Variants in ABCA7 observed in about 807,000 individuals in gnomAD.
ABCA7 encodes the protein ATP binding cassette subfamily A member 7, also known as phospholipid-transporting ATPase ABCA7.
ABCA7 carries 261 observed loss-of-function variants against 227.6 expected under a neutral mutation model. That is an observed-to-expected ratio of 1.15 (90% CI 1.04 to 1.27). ABCA7 has a LOEUF of 1.27. ABCA7 is among the 50% of genes most tolerant of loss of function. ABCA7 has a pLI of 0.00. For synonymous variants in ABCA7, 1,488 were observed against 1,279.7 expected (o/e 1.16, Z -3.47); for missense variants, 3,331 against 2,924.5 (o/e 1.14, Z -3.21).
At position 1,053,382 on chromosome 19, in the gene ABCA7, G is replaced by A. The variant is rs1164185949; in HGVS notation, c.3274G>A (p.Val1092Met). Residue 1092 changes from valine to methionine, a missense_variant, in exon 24 of 47, where the codon GTG (valine) becomes ATG (methionine). Val to Met is a conservative substitution (Grantham distance 21). Coordinates refer to ENST00000263094, the MANE Select transcript of ABCA7 (RefSeq NM_019112.4). The stretch of plus-strand genomic sequence containing the variant: ...GCACTGGGTGCCCGGGGCACGGCTG[G>A]TGGAGGAGCTGCCACACGAGCTGGT... ...VQHWVPGARL[V>M]EELPHELVLV... 14 of 1,608,300 alleles carry A rather than the reference G, an allele frequency of 8.7e-6. No homozygotes were observed. Among genetic ancestry groups the A allele is most frequent in the Non-Finnish European group, 1.2e-5 (14 of 1,179,150 alleles).
At chr19:1,048,189 T>G (rs1253081342) in intron 16 of ABCA7, among the ~76,000 whole-genome samples, 1 of 74,832 alleles carries the variant, frequency 1.3e-5, no homozygotes, top group East Asian at 6.3e-4. Context: ...CCTCCATCTC[T>G]TTAAAAAAAA....
chr19:1,056,619 G>A lies in ABCA7; in HGVS notation c.4586+120G>A, dbSNP rs1373135979. 1.2e-5 allele frequency: 16 copies of A among 1,311,328 alleles called. No homozygotes were observed. Among genetic ancestry groups the A allele is most frequent in the Non-Finnish European group, 1.6e-5 (15 of 964,256 alleles). 81.2% of individuals were successfully genotyped at this position (1,311,328 alleles called of 1,614,324 possible). A position where few individuals can be genotyped will look rare whatever the true frequency, so the allele number is the denominator to read the frequency against. The stretch of plus-strand genomic sequence containing the variant: ...GACACACTCTTGCTTTATAAATGGG[G>A]GATAGAAACTGTTCCTCTGCTCCCT... On this transcript the variant is annotated intron_variant, in intron 33 of 46. Transcript: ENST00000263094. The surrounding 1 kb of genome is among the most constrained non-coding windows in gnomAD (Gnocchi z 4.3).
rs535016127 is a variant in ABCA7, at chr19:1,049,341, G to A, written c.2456G>A (p.Ser819Asn). ...VRSLEKRFPGSPQPALRGLSL... is the reference protein window; with the variant it reads ...VRSLEKRFPGNPQPALRGLSL... ...AGCCTGGAGAAGCGCTTTCCTGGAAGCCCGCAGCCAGCCCTGCGGGGGCTC... is the reference window on the plus strand; with the variant it reads ...AGCCTGGAGAAGCGCTTTCCTGGAAACCCGCAGCCAGCCCTGCGGGGGCTC... Residue 819 changes from serine (S) to asparagine (N), a missense_variant, in exon 18 of 47, where the codon AGC becomes AAC. Transcript: ENST00000263094. 3.7e-6 allele frequency: 6 copies of A among 1,611,388 alleles called. No individual in the cohort carries two copies. In the African/African-American group the frequency reaches 8.0e-5, roughly 22 times the overall value.
intron 18 of ABCA7, among the ~76,000 whole-genome samples, chr19:1,050,148 CG>C (rs988477006): frequency 2.0e-5 from 3 of 150,682 alleles, no homozygotes; most frequent in Non-Finnish European, 3.0e-5. Context: ...TGGTGGCTCA[CG>C]CCTGTAATCC....
chr19:1,055,332 C>T lies in ABCA7; in HGVS notation c.4186C>T (p.Pro1396Ser). The T allele has an allele frequency of 6.3e-7, 1 of 1,593,142 alleles. No individual in the cohort carries two copies. Among genetic ancestry groups the T allele is most frequent in the Non-Finnish European group, 8.5e-7 (1 of 1,172,080 alleles). Residue 1396 changes from proline to serine, a missense_variant, in exon 30 of 47, where the codon CCG becomes TCG. By Grantham distance (74) the Pro-to-Ser change is moderately conservative. Transcript: ENST00000263094. ...NLSDFLVKTY[P>S]RLVRQGLKTK... The stretch of plus-strand genomic sequence containing the variant: ...GTCTGACTTCCTGGTCAAGACCTAC[C>T]CGCGCCTGGTGCGCCAGGGGTGAGC...
In ABCA7 at chr19:1,041,261, G is replaced by A. The variant is rs1370833654; in HGVS notation, c.-101G>A. 1 of 1,174,670 alleles carries A rather than the reference G, an allele frequency of 8.5e-7. No homozygotes were observed. The highest frequency in any genetic ancestry group is 1.3e-6 in the Non-Finnish European group (1 of 787,174). 72.8% of individuals were successfully genotyped at this position (1,174,670 alleles called of 1,614,324 possible). A position where few individuals can be genotyped will look rare whatever the true frequency, so the allele number is the denominator to read the frequency against. On this transcript the variant is annotated 5_prime_UTR_variant, in exon 2 of 47. It removes an upstream start codon present in the reference 5' UTR. Transcript: ENST00000263094. Reference sequence around the variant, plus strand: ...ACCCTGCGCTGTGGGATAAAGGAATGAGGTTCAGAAAGGGGCAGGGAGTTG... The same window carrying A: ...ACCCTGCGCTGTGGGATAAAGGAATAAGGTTCAGAAAGGGGCAGGGAGTTG...
At chr19:1,061,964 C>T (rs1372441525) in intron 41 of ABCA7, 76 bp downstream of exon 41, 5 of 1,466,282 alleles carry the variant, frequency 3.4e-6, no homozygotes, top group Non-Finnish European at 4.6e-6. Context: ...CCCTCCACCT[C>T]CAGTGAATGG....
intron 45 of ABCA7, chr19:1,064,559 C>T: frequency 2.0e-6 from 1 of 489,856 alleles, no homozygotes; most frequent in Non-Finnish European, 3.6e-6. Context: ...TAGGGGAGGG[C>T]CTGGTTAGTG....
chr19:1,044,497 C>T, intron 10 of ABCA7, 80 bp from the exon 11 acceptor site: 2 of 1,510,570 alleles, frequency 1.3e-6, no homozygotes, highest in African/African-American at 1.4e-5. Flanking sequence ...ATCCACCCGC[C>T]TCGCCTCCCA....
chr19:1,057,901 TA>T lies in ABCA7; in HGVS notation c.4881-13del. 6.2e-7 allele frequency: 1 copy of T among 1,613,954 alleles called. No individual in the cohort carries two copies. The highest frequency in any genetic ancestry group is 8.5e-7 in the Non-Finnish European group (1 of 1,179,974). On this transcript the variant is annotated splice_polypyrimidine_tract_variant and intron_variant, in intron 35 of 46. Coordinates refer to ENST00000263094, the MANE Select transcript of ABCA7 (RefSeq NM_019112.4). ...TCTGAGTGGTTACTCCAGTGACTCCTATTGTCCCTTCAGCTGGTCGATCACA... is the reference window on the plus strand; with the variant it reads ...TCTGAGTGGTTACTCCAGTGACTCCTTTGTCCCTTCAGCTGGTCGATCACA...
rs369197019 is a variant in ABCA7, at chr19:1,042,288, C to T, written c.416-27C>T. 4 of 1,576,496 alleles carry T rather than the reference C, an allele frequency of 2.5e-6. No homozygotes were observed. In the African/African-American group the frequency reaches 4.0e-5, roughly 16 times the overall value. On this transcript the variant is annotated intron_variant, in intron 5 of 46. Coordinates refer to ENST00000263094, the MANE Select transcript of ABCA7 (RefSeq NM_019112.4). ...GCCTCAGACCAACGTCCCCCCAGCC[C>T]CATGCTCCCGTGCGCTCCTCCCCCA...
At position 1,055,206 on chromosome 19, in the gene ABCA7, C is replaced by A. The variant is rs776084636; in HGVS notation, c.4060C>A (p.Arg1354Ser). The A allele has an allele frequency of 7.5e-6, 12 of 1,610,214 alleles. No homozygotes were observed. Among genetic ancestry groups the A allele is most frequent in the Admixed American group, 5.0e-5 (3 of 59,720 alleles). The change falls in exon 30 of 47, where the codon CGC (arginine) becomes AGC (serine). Residue 1354 changes from arginine to serine, a missense_variant. Arg to Ser is a moderately radical substitution (Grantham distance 110, BLOSUM62 -1). Transcript: ENST00000263094. Reference protein sequence around the residue: ...ACQCSRPGARRLLPDCPAAAG... With the variant: ...ACQCSRPGARSLLPDCPAAAG... Reference sequence around the variant, plus strand: ...CCAGTGTAGCCGGCCCGGTGCCCGGCGCCTGCTGCCCGACTGCCCGGCTGC... The same window carrying A: ...CCAGTGTAGCCGGCCCGGTGCCCGGAGCCTGCTGCCCGACTGCCCGGCTGC...
In ABCA7 at chr19:1,065,080, G is replaced by A. The variant is rs558210150; in HGVS notation, c.6194G>A (p.Cys2065Tyr). ...TTCCAGCTGCCGCCGGGAGGGCGCT[G>A]CGCCCTGGCGCGCGTCTTTGGAGAG... ...LRFQLPPGGR[C>Y]ALARVFGELA... Residue 2065 changes from cysteine (C) to tyrosine (Y), a missense_variant, in exon 46 of 47, where the codon TGC (cysteine) becomes TAC (tyrosine). Cys to Tyr is a radical substitution (Grantham distance 194). Coordinates refer to ENST00000263094, the MANE Select transcript of ABCA7 (RefSeq NM_019112.4). The A allele has an allele frequency of 1.0e-5, 16 of 1,569,910 alleles. No individual in the cohort carries two copies. In the South Asian group the frequency reaches 1.7e-4, roughly 17 times the overall value.
At chr19:1,043,925 T>C in intron 10 of ABCA7, 84 bp downstream of exon 10, 1 of 1,117,018 alleles carries the variant, frequency 9.0e-7, no homozygotes. Context: ...GTGGGCTCCG[T>C]GCAGACCCCC....
chr19:1,041,705 G>C, intron 3 of ABCA7, 102 bp downstream of exon 3: 1 of 1,574,728 alleles, frequency 6.4e-7, no homozygotes, highest in Non-Finnish European at 8.6e-7. Flanking sequence ...CCTTCACCAG[G>C]CCGCCAATAC....
chr19:1,056,828 C>T lies in ABCA7; in HGVS notation c.4587-79C>T, dbSNP rs2042295137. The T allele has an allele frequency of 1.4e-6, 2 of 1,471,330 alleles. No homozygotes were observed. The highest frequency in any genetic ancestry group is 1.3e-5 in the South Asian group (1 of 79,618). 91.1% of individuals were successfully genotyped at this position (1,471,330 alleles called of 1,614,324 possible). On this transcript the variant is annotated intron_variant, in intron 33 of 46. Coordinates refer to ENST00000263094, the MANE Select transcript of ABCA7 (RefSeq NM_019112.4). The surrounding 1 kb of genome is among the most constrained non-coding windows in gnomAD (Gnocchi z 4.3). The stretch of plus-strand genomic sequence containing the variant: ...CTGACTGCCCCATAGACCTTTGTCC[C>T]ATCAATGGCGTGTTCAGCTCTGCTC...
chr19:1,056,599 A>G lies in ABCA7; in HGVS notation c.4586+100A>G. The G allele has an allele frequency of 7.2e-7, 1 of 1,381,612 alleles. No homozygotes were observed. The highest frequency in any genetic ancestry group is 1.4e-5 in the African/African-American group (1 of 69,028). The allele number at this position is 1,381,612 out of a possible 1,614,324, so 85.6% of individuals were successfully genotyped here. On this transcript the variant is annotated intron_variant, in intron 33 of 46. Coordinates refer to ENST00000263094, the MANE Select transcript of ABCA7 (RefSeq NM_019112.4). The surrounding 1 kb of genome is among the most constrained non-coding windows in gnomAD (Gnocchi z 4.3). ...GGGAGCTGGATTTGAACCCTGACAC[A>G]CTCTTGCTTTATAAATGGGGGATAG...
Position 1,045,250 on chromosome 19 carries a change from CG to C in ABCA7, c.1445+25del, listed in dbSNP as rs558669686. 7 of 543,992 alleles carry C rather than the reference CG, an allele frequency of 1.3e-5. No individual in the cohort carries two copies. Among genetic ancestry groups the C allele is most frequent in the African/African-American group, 2.3e-5 (1 of 43,982 alleles). 33.7% of individuals were successfully genotyped at this position (543,992 alleles called of 1,614,324 possible). On this transcript the variant is annotated intron_variant, in intron 12 of 46. Transcript: ENST00000263094. ...GGGACAGGTCAGGCGAGGGAGGGGG[CG>C]GGGGGATGAGGGACTGGGCGGGGCC...
At position 1,064,236 on chromosome 19, in the gene ABCA7, G is replaced by A. The variant is rs538148125; in HGVS notation, c.6027G>A (p.Pro2009=). ...GGCGGTTCCGCTGCCTGGGCAGCCC[G>A]CAACATCTCAAGGGCAGGTGAGCCG... ...VNGRFRCLGS[P]QHLKGRFAAG... is the part of the protein sequence containing the mutation. Residue 2009 remains proline, a synonymous_variant, in exon 45 of 47, where the codon CCG becomes CCA. Transcript: ENST00000263094. The A allele has an allele frequency of 1.4e-5, 22 of 1,565,212 alleles. No individual in the cohort carries two copies. Among genetic ancestry groups the A allele is most frequent in the Middle Eastern group, 3.5e-4 (2 of 5,676 alleles).
Sources: gnomAD v4.1 joint callset for allele counts (sites outside exome capture counted in the v4.1 genomes callset) on GRCh38, gnomAD v4.1.1 for gene constraint, Gnocchi (gnomAD v3.1) non-coding constraint, MANE v1.5 for transcripts, NCBI Gene and HGNC (gene_info 2026-07-23, HGNC 2026-07-21) for gene names.